The following PDE4D variants were observed in gnomAD, a reference collection of about 807,000 sequenced individuals.
PDE4D encodes 3',5'-cyclic-AMP phosphodiesterase 4D.
A neutral mutation model predicts 87.4 loss-of-function variants in PDE4D; 24 were observed. The ratio of observed to expected loss-of-function variants is 0.27; its 90% confidence interval spans 0.20 to 0.39. The LOEUF (loss-of-function observed/expected upper bound fraction) is 0.39. Ranked by LOEUF, PDE4D falls within the 10% of genes least tolerant of loss-of-function variation. The pLI, the probability that PDE4D is intolerant of heterozygous loss-of-function variation, is 1.00. For missense variants in PDE4D, 714 were observed against 1,041.0 expected (o/e 0.69, Z 4.32); for synonymous variants, 384 against 383.2 (o/e 1.00, Z -0.02).
intron 2 of PDE4D, among the ~76,000 whole-genome samples, chr5:60,080,508 G>T (rs1773812728): frequency 6.6e-6 from 1 of 152,148 alleles, no homozygotes; most frequent in African/African-American, 2.4e-5. Context: ...TATGACATTG[G>T]CTGTGGGTTT....
intron 1 of PDE4D, among the ~76,000 whole-genome samples, chr5:60,254,441 G>A (rs1479806276): frequency 2.6e-5 from 4 of 151,924 alleles, no homozygotes; most frequent in Non-Finnish European, 5.9e-5. Context: ...CCACTTAATA[G>A]CTGAAAGAAG....
At chr5:59,053,270 C>G (rs1761804869) in intron 5 of PDE4D, among the ~76,000 whole-genome samples, 1 of 151,566 alleles carries the variant, frequency 6.6e-6, no homozygotes, top group African/African-American at 2.4e-5. Context: ...TTGAATACTC[C>G]AGCTTTGCAC....
At chr5:60,460,671 TC>T in intron 1 of PDE4D, 1 of 1,068,114 alleles carries the variant, frequency 9.4e-7, no homozygotes, top group Non-Finnish European at 1.4e-6. Context: ...TCTCCTCCGG[TC>T]CCAGAGCAGG....
At chr5:59,831,418 A>G (rs1403042729) in intron 1 of PDE4D, among the ~76,000 whole-genome samples, 1 of 151,984 alleles carries the variant, frequency 6.6e-6, no homozygotes, top group Non-Finnish European at 1.5e-5. Context: ...CTTTGAAAGA[A>G]TGGGTTATTT....
At chr5:59,422,745 C>T (rs987473605) in intron 1 of PDE4D, among the ~76,000 whole-genome samples, 4 of 152,184 alleles carry the variant, frequency 2.6e-5, no homozygotes, top group African/African-American at 9.6e-5. Flanking sequence ...TAACAATTCT[C>T]ATTCCACTCC....
intron 2 of PDE4D, among the ~76,000 whole-genome samples, chr5:60,079,659 C>G (rs971711082): frequency 1.3e-5 from 2 of 152,264 alleles, no homozygotes; most frequent in Middle Eastern, 6.8e-3. Context: ...TTGTTTTTGT[C>G]AGGTTTGTCA....
At chr5:60,295,887 A>G (rs1277586776) in intron 1 of PDE4D, among the ~76,000 whole-genome samples, 1 of 152,118 alleles carries the variant, frequency 6.6e-6, no homozygotes, top group Non-Finnish European at 1.5e-5. Flanking sequence ...CACAAACACA[A>G]TGGCTTATAA....
chr5:60,417,781 G>A (rs1285726363), intron 1 of PDE4D, among the ~76,000 whole-genome samples: 2 of 152,038 alleles, frequency 1.3e-5, no homozygotes, highest in Non-Finnish European at 2.9e-5. Flanking sequence ...GTACAACATC[G>A]TGTTGGGACC....
chr5:60,123,361 A>T (rs1251276706), intron 2 of PDE4D, among the ~76,000 whole-genome samples: 1 of 152,178 alleles, frequency 6.6e-6, no homozygotes, highest in African/African-American at 2.4e-5. Context: ...GTTTAATTGG[A>T]CTTACACTTC....
chr5:59,163,251 C>T (rs932663420), intron 5 of PDE4D, among the ~76,000 whole-genome samples: 2 of 147,518 alleles, frequency 1.4e-5, no homozygotes, highest in African/African-American at 5.0e-5. Flanking sequence ...CCTGGCCAAT[C>T]GAATTGATTT....
intron 1 of PDE4D, among the ~76,000 whole-genome samples, chr5:59,639,933 G>T (rs966783806): frequency 6.8e-6 from 1 of 147,608 alleles, no homozygotes; most frequent in African/African-American, 2.5e-5. Context: ...TGATGTAACA[G>T]TTCTTTTTTT....
rs189970579 is a variant in PDE4D at position 59,451,166 on chromosome 5, T to C, written c.456-235198A>G. On this transcript the variant is annotated intron_variant, in intron 1 of 14. Coordinates refer to ENST00000340635, the MANE Select transcript of PDE4D (RefSeq NM_001104631.2). The stretch of plus-strand genomic sequence containing the variant: ...AAACCAATGAACATTTCTGAAGCTA[T>C]TGGCCACTCCCTCCTTTCTGAAACA... Among the ~76,000 whole-genome samples the C allele has an allele frequency of 3.5e-4, 53 of 152,364 alleles. No individual in the cohort carries two copies. In the Middle Eastern group the frequency reaches 0.01, roughly 29 times the overall value.
chr5:58,990,515 G>A (rs1464864580), intron 9 of PDE4D, among the ~76,000 whole-genome samples: 3 of 152,072 alleles, frequency 2.0e-5, no homozygotes, highest in Non-Finnish European at 1.5e-5. Context: ...AGGTTCAGAT[G>A]ACTAAGATGA....
At chr5:59,553,808 G>A (rs563097417) in intron 1 of PDE4D, among the ~76,000 whole-genome samples, 2 of 152,112 alleles carry the variant, frequency 1.3e-5, no homozygotes, top group South Asian at 4.2e-4. Context: ...TAAATACAAG[G>A]CAAGGCAAAC....
In PDE4D at chr5:59,122,479, T is replaced by C. The variant is rs139625867; in HGVS notation, c.808+58116A>G. Among the ~76,000 whole-genome samples the C allele has an allele frequency of 2.5e-3, 387 of 152,260 alleles. 3 individuals are homozygous for C. Among genetic ancestry groups the C allele is most frequent in the African/African-American group, 8.9e-3 (370 of 41,548 alleles). ...AGATAGAATAAGCTCTAATGTTCCA[T>C]AGCAGATTAGGTGACTAGAGTTAAC... On this transcript the variant is annotated intron_variant, in intron 5 of 14. Coordinates refer to ENST00000340635, the MANE Select transcript of PDE4D (RefSeq NM_001104631.2).
intron 1 of PDE4D, among the ~76,000 whole-genome samples, chr5:60,478,953 G>A (rs1243252623): frequency 1.3e-5 from 2 of 152,162 alleles, no homozygotes; most frequent in African/African-American, 4.8e-5. Flanking sequence ...GAGCCTTCTA[G>A]TATGCTGAGT....
intron 1 of PDE4D, among the ~76,000 whole-genome samples, chr5:59,566,285 C>T (rs768498805): frequency 2.0e-5 from 3 of 152,100 alleles, no homozygotes. Flanking sequence ...TTATCTCCCA[C>T]CTCTGTGCCT....
intron 1 of PDE4D, among the ~76,000 whole-genome samples, chr5:60,250,537 G>C (rs75754949): frequency 0.015 from 2,257 of 152,052 alleles, 63 homozygotes; most frequent in East Asian, 0.12. Context: ...GGTCCCATTA[G>C]ATTATAACGA....
chr5:59,492,646 T>C (rs1208125099), intron 1 of PDE4D, among the ~76,000 whole-genome samples: 2 of 152,122 alleles, frequency 1.3e-5, no homozygotes, highest in African/African-American at 4.8e-5. Context: ...AGGGTACATG[T>C]GCTGTGGAAA....
Sources: allele counts gnomAD v4.1 joint callset (sites outside exome capture counted in the v4.1 genomes callset), GRCh38; gene constraint gnomAD v4.1.1; transcripts MANE v1.5; gene names NCBI Gene and HGNC (gene_info 2026-07-23, HGNC 2026-07-21).